Variants in SLC4A4 observed in about 807,000 individuals in gnomAD.
SLC4A4 encodes electrogenic sodium bicarbonate cotransporter 1.
A neutral mutation model predicts 111.5 loss-of-function variants in SLC4A4; 27 were observed. That is an observed-to-expected ratio of 0.24 (90% confidence interval 0.18 to 0.33). The LOEUF (loss-of-function observed/expected upper bound fraction) is 0.33. Among genes scored for constraint, SLC4A4 ranks in the 10% least tolerant of loss-of-function variants. The pLI is 1.00. For missense variants in SLC4A4, 909 were observed against 1,315.5 expected, an observed-to-expected ratio of 0.69 and a Z score of 4.78; for synonymous variants, 443 against 463.4, an observed-to-expected ratio of 0.96 and a Z score of 0.57.
intron 1 of SLC4A4, among the ~76,000 whole-genome samples, chr4:71,202,955 A>G (rs983203164): frequency 1.1e-4 from 16 of 145,334 alleles, no homozygotes; most frequent in African/African-American, 4.4e-4. Context: ...CCAAGAACCT[A>G]ATGGAAATCT....
chr4:71,495,316 G>T (rs891911226), intron 15 of SLC4A4, among the ~76,000 whole-genome samples: 23 of 152,064 alleles, frequency 1.5e-4, no homozygotes, highest in Non-Finnish European at 1.5e-5. Flanking sequence ...AATTCTGCTG[G>T]TATTAAAGTG....
intron 2 of SLC4A4, among the ~76,000 whole-genome samples, chr4:71,145,181 C>T (rs1209438739): frequency 1.3e-5 from 2 of 152,086 alleles, no homozygotes. Context: ...TTGTCAAAGG[C>T]CTTTTCTGCA....
chr4:71,327,432 A>G (rs1358128450), intron 3 of SLC4A4, among the ~76,000 whole-genome samples: 1 of 152,054 alleles, frequency 6.6e-6, no homozygotes, highest in African/African-American at 2.4e-5. Context: ...GTTTGAAGTC[A>G]TATCACTTAG....
chr4:71,197,212 C>T (rs997364736), intron 1 of SLC4A4, among the ~76,000 whole-genome samples: 1 of 152,036 alleles, frequency 6.6e-6, no homozygotes, highest in African/African-American at 2.4e-5. Flanking sequence ...GAGATTCCGT[C>T]TCAAAAAAAC....
intron 13 of SLC4A4, among the ~76,000 whole-genome samples, chr4:71,468,628 T>G (rs886445998): frequency 4.6e-5 from 7 of 151,988 alleles, no homozygotes; most frequent in Non-Finnish European, 1.0e-4. Context: ...TTTGTTTATG[T>G]TATAGCAGCA....
intron 16 of SLC4A4, among the ~76,000 whole-genome samples, chr4:71,502,542 C>G (rs1731043898): frequency 1.3e-5 from 2 of 152,212 alleles, no homozygotes; most frequent in Admixed American, 6.5e-5. Flanking sequence ...TCATTTGTCT[C>G]AAATTTATTA....
At position 71,166,534 on chromosome 4, in the gene SLC4A4, C is replaced by A. The variant is rs115160065; in HGVS notation, c.-1-70042C>A. The stretch of plus-strand genomic sequence containing the variant: ...TGTTTGGCATACATAATAATTTTAT[C>A]CATAAGCAGTCTATTTTATTTGTAG... On this transcript the variant is annotated intron_variant, in intron 2 of 26. Coordinates refer to the SLC4A4 transcript ENST00000649996. Among the ~76,000 whole-genome samples the A allele has an allele frequency of 8.7e-3, 1,327 of 152,268 alleles. 8 individuals carry two copies. Among genetic ancestry groups the A allele is most frequent in the Middle Eastern group, 0.014 (4 of 294 alleles).
At chr4:71,452,119 G>C (rs182250359) in intron 11 of SLC4A4, among the ~76,000 whole-genome samples, 2 of 152,028 alleles carry the variant, frequency 1.3e-5, no homozygotes, top group East Asian at 3.9e-4. Flanking sequence ...AACATGAAAA[G>C]GTATGTCATT....
At chr4:71,350,213 T>C in intron 5 of SLC4A4, 141 bp downstream of exon 5, 1 of 836,374 alleles carries the variant, frequency 1.2e-6, no homozygotes, top group Non-Finnish European at 1.9e-6. Context: ...ATAACATTAG[T>C]ATGATTTATT....
chr4:71,386,780 G>T (rs191023771), intron 6 of SLC4A4, among the ~76,000 whole-genome samples: 23 of 151,810 alleles, frequency 1.5e-4, no homozygotes, highest in Admixed American at 1.4e-3. Flanking sequence ...TTCTTTTTTG[G>T]AATTCTTTTG....
chr4:71,389,214 C>T (rs955648033), intron 6 of SLC4A4, among the ~76,000 whole-genome samples: 1 of 152,288 alleles, frequency 6.6e-6, no homozygotes. Context: ...GACCTCTACA[C>T]ACTTTCAGCT....
intron 2 of SLC4A4, among the ~76,000 whole-genome samples, chr4:71,161,724 T>G (rs552809231): frequency 6.6e-6 from 1 of 152,280 alleles, no homozygotes; most frequent in Non-Finnish European, 1.5e-5. Context: ...TGTAGGAGCC[T>G]GGCAGGTGAT....
intron 3 of SLC4A4, among the ~76,000 whole-genome samples, chr4:71,271,663 G>A (rs1722708754): frequency 6.6e-6 from 1 of 152,144 alleles, no homozygotes; most frequent in Admixed American, 6.5e-5. Context: ...ATTTTACTAG[G>A]ATTGTATTCA....
intron 14 of SLC4A4, among the ~76,000 whole-genome samples, chr4:71,486,666 A>C (rs887166116): frequency 3.2e-5 from 2 of 62,726 alleles, no homozygotes; most frequent in Admixed American, 1.4e-4. Context: ...GGGAAGTTTT[A>C]TTTCTTTTTT....
At chr4:71,303,211 A>G (rs1484604050) in intron 3 of SLC4A4, among the ~76,000 whole-genome samples, 3 of 152,170 alleles carry the variant, frequency 2.0e-5, no homozygotes, top group African/African-American at 7.2e-5. Context: ...AGGGAGGGAG[A>G]GAAATGGTAA....
intron 7 of SLC4A4, among the ~76,000 whole-genome samples, chr4:71,408,410 G>A (rs868493628): frequency 1.4e-4 from 21 of 152,226 alleles, no homozygotes; most frequent in African/African-American, 5.1e-4. Context: ...CATCATCATT[G>A]CCATTTTCAT....
intron 2 of SLC4A4, among the ~76,000 whole-genome samples, chr4:71,113,130 G>A (rs1290184595): frequency 6.6e-6 from 1 of 152,188 alleles, no homozygotes; most frequent in Non-Finnish European, 1.5e-5. Flanking sequence ...TGAAGAAACT[G>A]AGTGGAGGAG....
chr4:71,407,432 A>G (rs1240618775), intron 7 of SLC4A4, among the ~76,000 whole-genome samples: 2 of 152,222 alleles, frequency 1.3e-5, no homozygotes, highest in African/African-American at 2.4e-5. Flanking sequence ...GATTATTCAC[A>G]CCGAATAAAC....
chr4:71,323,512 G>A (rs553071742), intron 3 of SLC4A4, among the ~76,000 whole-genome samples: 1 of 152,144 alleles, frequency 6.6e-6, no homozygotes, highest in South Asian at 2.1e-4. Context: ...TAGAAGTAAT[G>A]ATTATTTAGA....
Sources: allele counts gnomAD v4.1 joint callset (sites outside exome capture counted in the v4.1 genomes callset), GRCh38; gene constraint gnomAD v4.1.1; transcripts MANE v1.5; gene names NCBI Gene and HGNC (gene_info 2026-07-23, HGNC 2026-07-21).